Variants in TRIM6 observed in about 807,000 individuals in gnomAD.
TRIM6 encodes tripartite motif-containing protein 6.
Under a neutral mutation model 51.2 loss-of-function variants are expected in TRIM6, and 43 were observed. The ratio of observed to expected loss-of-function variants is 0.84; its 90% CI spans 0.66 to 1.08. The LOEUF is 1.08. Ranked by LOEUF, TRIM6 falls within the 50% of genes least tolerant of loss-of-function variation. The probability of loss-of-function intolerance (pLI) is 0.00; values close to 1 mark genes in which losing one functional copy is unlikely to be tolerated. For synonymous variants in TRIM6, 215 were observed against 232.4 expected, an observed-to-expected ratio of 0.93 and a Z score of 0.68; for missense variants, 669 against 619.0, an observed-to-expected ratio of 1.08 and a Z score of -0.86.
rs1426582568 is a variant in TRIM6 at position 5,603,373 on chromosome 11, C to A, written c.145C>A (p.Leu49Ile). ...EEVTCPICLE[L>I]LTEPLSIDCG... ...GGTGACCTGCCCTATCTGCCTGGAG[C>A]TCCTAACAGAACCCCTGAGCATAGA... The change falls in exon 2 of 8, where the codon CTC becomes ATC. Residue 49 changes from leucine to isoleucine, a missense_variant. By Grantham distance (5) the Leu-to-Ile change is conservative (BLOSUM62 2). Coordinates refer to ENST00000380097, the MANE Select transcript of TRIM6 (RefSeq NM_001003818.3). 1.9e-6 allele frequency: 3 copies of A among 1,614,064 alleles called. No individual in the cohort carries two copies.
At chr11:5,597,300 G>T (rs1484331261) in intron 1 of TRIM6, among the ~76,000 whole-genome samples, 1 of 152,124 alleles carries the variant, frequency 6.6e-6, no homozygotes, top group African/African-American at 2.4e-5. Flanking sequence ...CACGTAGGAG[G>T]CTGCCTGACA....
chr11:5,610,743 T>A (rs753663438), intron 7 of TRIM6, 34 bp from the exon 8 acceptor site: 36 of 1,606,180 alleles, frequency 2.2e-5, no homozygotes, highest in Non-Finnish European at 2.8e-5. Flanking sequence ...CATGTCCCCG[T>A]TCTCATCTGC....
intron 4 of TRIM6, among the ~76,000 whole-genome samples, chr11:5,605,922 A>G (rs928363726): frequency 1.3e-5 from 2 of 152,102 alleles, no homozygotes; most frequent in African/African-American, 4.8e-5. Context: ...TCTCCTGTAC[A>G]TTGTAGGATG....
intron 5 of TRIM6, among the ~76,000 whole-genome samples, chr11:5,608,847 A>T (rs1459172660): frequency 1.6e-4 from 16 of 101,884 alleles, no homozygotes; most frequent in East Asian, 3.3e-4. Context: ...TTGCCCATAA[A>T]TTTTTTTTTT....
At chr11:5,609,858 G>A (rs1213311934) in intron 5 of TRIM6, among the ~76,000 whole-genome samples, 1 of 152,196 alleles carries the variant, frequency 6.6e-6, no homozygotes, top group Non-Finnish European at 1.5e-5. Flanking sequence ...GGGAGGTGGA[G>A]GTTGCAGTGA....
Position 5,611,269 on chromosome 11 carries a change from C to T in TRIM6, c.1478C>T (p.Pro493Leu). 1 of 1,614,020 alleles carries T rather than the reference C, an allele frequency of 6.2e-7. No individual in the cohort carries two copies. The highest frequency in any genetic ancestry group is 1.3e-5 in the African/African-American group (1 of 74,986). Residue 493 changes from proline to leucine, a missense_variant, in exon 8 of 8, where the codon CCC becomes CTC. Physicochemically the swap from Pro to Leu is moderately conservative, Grantham distance 98. Coordinates refer to ENST00000380097, the MANE Select transcript of TRIM6 (RefSeq NM_001003818.3). The stretch of plus-strand genomic sequence containing the variant: ...TACACTTTCTCTAAATATTACTTTC[C>T]CACTACTCTTTGTCCATATTTTAAT... Reference protein sequence around the residue: ...PIYTFSKYYFPTTLCPYFNPC... With the variant: ...PIYTFSKYYFLTTLCPYFNPC...
At chr11:5,609,470 ACC>A (rs1159913013) in intron 5 of TRIM6, among the ~76,000 whole-genome samples, 1 of 152,044 alleles carries the variant, frequency 6.6e-6, no homozygotes, top group Non-Finnish European at 1.5e-5. Flanking sequence ...GACATCTTCA[ACC>A]CCTCTGATTT....
intron 1 of TRIM6, among the ~76,000 whole-genome samples, chr11:5,600,898 A>C (rs1447150579): frequency 1.3e-5 from 2 of 152,142 alleles, no homozygotes; most frequent in Non-Finnish European, 2.9e-5. Flanking sequence ...AGCAGAACAA[A>C]TGGCTCCCAG....
At chr11:5,598,448 T>A (rs1468411941) in intron 1 of TRIM6, among the ~76,000 whole-genome samples, 1 of 152,134 alleles carries the variant, frequency 6.6e-6, no homozygotes, top group Non-Finnish European at 1.5e-5. Context: ...AAAAGACATA[T>A]AATGAACTAG....
chr11:5,608,311 G>A (rs1848345023), intron 4 of TRIM6, 61 bp from the exon 5 acceptor site: 3 of 1,606,676 alleles, frequency 1.9e-6, no homozygotes, highest in Non-Finnish European at 2.5e-6. Flanking sequence ...CATGGAAGGA[G>A]AAATGTGGAT....
In TRIM6 at chr11:5,596,781, G is replaced by C; in HGVS notation, c.-117G>C. The C allele has an allele frequency of 6.5e-7, 1 of 1,530,596 alleles. No individual in the cohort carries two copies. Among genetic ancestry groups the C allele is most frequent in the Non-Finnish European group, 9.0e-7 (1 of 1,109,976 alleles). The allele number at this position is 1,530,596 out of a possible 1,614,324, so 94.8% of individuals were successfully genotyped here. ...CGTGCGTGGTTGAGTTTAGATAAAA[G>C]CCGAGTGAGCGCGCTCTGTTCCTTA... is the stretch of plus-strand genomic sequence containing the variant. On this transcript the variant is annotated 5_prime_UTR_variant, in exon 1 of 8. Coordinates refer to ENST00000380097, the MANE Select transcript of TRIM6 (RefSeq NM_001003818.3).
intron 2 of TRIM6, among the ~76,000 whole-genome samples, chr11:5,604,186 G>A (rs1848060441): frequency 6.6e-6 from 1 of 151,420 alleles, no homozygotes; most frequent in Non-Finnish European, 1.5e-5. Flanking sequence ...GCGTGTGTGT[G>A]TGTGTTTAGT....
chr11:5,608,424 C>G, intron 5 of TRIM6, 30 bp downstream of exon 5: 1 of 1,612,298 alleles, frequency 6.2e-7, no homozygotes. Context: ...GAGGTAGTTC[C>G]CCTGGACTGA....
intron 1 of TRIM6, among the ~76,000 whole-genome samples, chr11:5,601,537 C>T (rs534249212): frequency 6.6e-6 from 1 of 152,252 alleles, no homozygotes; most frequent in East Asian, 1.9e-4. Context: ...GCAGGCAGAT[C>T]ACTTGAGGTC....
intron 4 of TRIM6, among the ~76,000 whole-genome samples, chr11:5,607,542 G>A (rs999534219): frequency 1.3e-5 from 2 of 152,168 alleles, no homozygotes; most frequent in Non-Finnish European, 2.9e-5. Context: ...AAGATAAAAA[G>A]ACCAAATAGA....
chr11:5,610,937 G>T lies in TRIM6; in HGVS notation c.1146G>T (p.Lys382Asn). 6.2e-7 allele frequency: 1 copy of T among 1,614,188 alleles called. No homozygotes were observed. Among genetic ancestry groups the T allele is most frequent in the Non-Finnish European group, 8.5e-7 (1 of 1,180,036 alleles). The change falls in exon 8 of 8, where the codon AAG becomes AAT. Residue 382 changes from lysine (K) to asparagine (N), a missense_variant. By Grantham distance (94) the Lys-to-Asn change is moderately conservative. Transcript: ENST00000380097. Reference protein sequence around the residue: ...VLGSQHFSSGKHYWEVDVAKK... With the variant: ...VLGSQHFSSGNHYWEVDVAKK... ...GCTCCCAGCACTTCTCCTCTGGTAA[G>T]CATTACTGGGAGGTAGATGTGGCCA...
intron 4 of TRIM6, among the ~76,000 whole-genome samples, chr11:5,606,065 G>T (rs1848186563): frequency 6.6e-6 from 1 of 152,162 alleles, no homozygotes; most frequent in African/African-American, 2.4e-5. Context: ...GAGAACCACT[G>T]TTCATTAGGC....
chr11:5,597,309 C>T (rs1847531599), intron 1 of TRIM6, among the ~76,000 whole-genome samples: 2 of 152,132 alleles, frequency 1.3e-5, no homozygotes, highest in South Asian at 4.1e-4. Context: ...GGCTGCCTGA[C>T]ACAAATTATG....
Position 5,610,262 on chromosome 11 carries a change from G to C in TRIM6, c.958+17G>C, listed in dbSNP as rs764703950. On this transcript the variant is annotated intron_variant, in intron 6 of 7. Transcript: ENST00000380097. ...TGTGTAGAGGTAAGGAGATTCAGGG[G>C]AAAGAGTTTGGATGTGAAATTACTG... 1 of 1,613,984 alleles carries C rather than the reference G, an allele frequency of 6.2e-7. No homozygotes were observed. Among genetic ancestry groups the C allele is most frequent in the Non-Finnish European group, 8.5e-7 (1 of 1,179,960 alleles).
Sources: gnomAD v4.1 joint callset for allele counts (sites outside exome capture counted in the v4.1 genomes callset) on GRCh38, gnomAD v4.1.1 for gene constraint, MANE v1.5 for transcripts, NCBI Gene and HGNC (gene_info 2026-07-23, HGNC 2026-07-21) for gene names.